The following DAB1 variants were observed in gnomAD, a reference collection of about 807,000 sequenced individuals.
DAB1 encodes the protein DAB adaptor protein 1.
DAB1 carries 15 observed loss-of-function variants against 64.6 expected under a neutral mutation model. That is an observed-to-expected ratio of 0.23 (90% CI 0.16 to 0.36). The LOEUF (loss-of-function observed/expected upper bound fraction) is 0.36. Among genes scored for constraint, DAB1 ranks in the 10% least tolerant of loss-of-function variants. The pLI is 1.00. For synonymous variants in DAB1, 235 were observed against 251.9 expected, an observed-to-expected ratio of 0.93 and a Z score of 0.64; for missense variants, 596 against 706.7, an observed-to-expected ratio of 0.84 and a Z score of 1.78.
At chr1:57,326,623 G>T (rs576447595) in intron 1 of DAB1, among the ~76,000 whole-genome samples, 49 of 152,260 alleles carry the variant, frequency 3.2e-4, no homozygotes, top group Non-Finnish European at 5.9e-4. Flanking sequence ...ACAGCTGGAG[G>T]CTAAGAAGTC....
At chr1:57,295,781 G>A (rs1171223606) in intron 1 of DAB1, among the ~76,000 whole-genome samples, 1 of 152,074 alleles carries the variant, frequency 6.6e-6, no homozygotes, top group Non-Finnish European at 1.5e-5. Context: ...TCAGAATACA[G>A]CTTTTTGCAT....
intron 5 of DAB1, among the ~76,000 whole-genome samples, chr1:57,975,936 A>T (rs965097838): frequency 2.6e-5 from 4 of 152,214 alleles, no homozygotes; most frequent in Non-Finnish European, 5.9e-5. Flanking sequence ...TACTAAGGGC[A>T]GCCAGCAATA....
At chr1:57,017,501 T>G (rs568523381) in intron 11 of DAB1, among the ~76,000 whole-genome samples, 9 of 152,312 alleles carry the variant, frequency 5.9e-5, no homozygotes, top group African/African-American at 1.9e-4. Flanking sequence ...TTCATCTGAC[T>G]GATACAGGCT....
chr1:57,189,856 A>AC (rs1557900842), intron 2 of DAB1, among the ~76,000 whole-genome samples: 1 of 151,852 alleles, frequency 6.6e-6, no homozygotes, highest in African/African-American at 2.4e-5. Context: ...AAAAAAAAAA[A>AC]AAAACACAAC....
In DAB1 at chr1:57,353,759, C is replaced by A. The variant is rs116194361; in HGVS notation, c.-136-62593G>T. ...TTTGCTACAGCTCCCTGCTCCTCCC[C>A]CTTCCACACTGTGAATAACAGATGA... On this transcript the variant is annotated intron_variant, in intron 1 of 14. Coordinates refer to ENST00000371236, the MANE Select transcript of DAB1 (RefSeq NM_001365792.1). Among the ~76,000 whole-genome samples, 823 of 152,232 alleles carry A rather than the reference C, an allele frequency of 5.4e-3. 6 individuals carry two copies. The highest frequency in any genetic ancestry group is 7.7e-3 in the Non-Finnish European group (526 of 67,994).
chr1:57,404,660 A>C (rs1683494057), intron 1 of DAB1, among the ~76,000 whole-genome samples: 1 of 152,250 alleles, frequency 6.6e-6, no homozygotes, highest in Non-Finnish European at 1.5e-5. Flanking sequence ...AAATACTGAA[A>C]GAAAAATTCA....
intron 5 of DAB1, among the ~76,000 whole-genome samples, chr1:58,116,184 T>C (rs1051672936): frequency 6.6e-6 from 1 of 152,204 alleles, no homozygotes; most frequent in Non-Finnish European, 1.5e-5. Flanking sequence ...TTTCTCCTTC[T>C]TCCTTCCTGG....
upstream of DAB1, among the ~76,000 whole-genome samples, chr1:57,424,852 A>G (rs544398874): frequency 2.6e-5 from 4 of 152,162 alleles, no homozygotes; most frequent in Non-Finnish European, 5.9e-5. Context: ...CCCTGAGAGC[A>G]CGCAGACCAC....
chr1:57,941,644 G>A (rs1349040176), intron 5 of DAB1, among the ~76,000 whole-genome samples: 1 of 152,178 alleles, frequency 6.6e-6, no homozygotes, highest in Non-Finnish European at 1.5e-5. Context: ...AGACCATCCT[G>A]GCTAACATGG....
At chr1:58,259,701 G>A (rs1203313369) in intron 4 of DAB1, among the ~76,000 whole-genome samples, 1 of 152,192 alleles carries the variant, frequency 6.6e-6, no homozygotes, top group Non-Finnish European at 1.5e-5. Flanking sequence ...GAGGAAATTA[G>A]AGAGGGGATG....
chr1:58,289,485 C>T (rs116604882), intron 4 of DAB1, among the ~76,000 whole-genome samples: 1,764 of 152,264 alleles, frequency 0.012, 14 homozygotes, highest in Middle Eastern at 0.024. Flanking sequence ...AGTTCAATAA[C>T]ACATGATTTT....
intron 3 of DAB1, among the ~76,000 whole-genome samples, chr1:58,439,814 C>G (rs777162709): frequency 6.6e-6 from 1 of 152,166 alleles, no homozygotes; most frequent in Non-Finnish European, 1.5e-5. Flanking sequence ...TTCAAAAGAG[C>G]TGGGGGTGAT....
At chr1:57,668,372 C>T (rs1281230455) in intron 6 of DAB1, among the ~76,000 whole-genome samples, 1 of 152,028 alleles carries the variant, frequency 6.6e-6, no homozygotes, top group Non-Finnish European at 1.5e-5. Flanking sequence ...AAGCACCTGG[C>T]ATAACAAATG....
chr1:57,540,559 T>C (rs938664913), intron 7 of DAB1, among the ~76,000 whole-genome samples: 2 of 152,150 alleles, frequency 1.3e-5, no homozygotes, highest in Non-Finnish European at 2.9e-5. Context: ...TGTCCATCAA[T>C]GGATGAATGG....
chr1:57,281,129 A>G (rs1671851696), intron 2 of DAB1, among the ~76,000 whole-genome samples: 1 of 152,152 alleles, frequency 6.6e-6, no homozygotes, highest in Non-Finnish European at 1.5e-5. Context: ...ACTTTTCAAC[A>G]CTGTCCTTAG....
chr1:58,299,237 T>C (rs1293755628), intron 4 of DAB1, among the ~76,000 whole-genome samples: 1 of 152,180 alleles, frequency 6.6e-6, no homozygotes, highest in African/African-American at 2.4e-5. Context: ...TATCCAAAAT[T>C]ACCTGCCTAG....
intron 1 of DAB1, among the ~76,000 whole-genome samples, chr1:57,350,661 G>T (rs1379713890): frequency 6.6e-6 from 1 of 152,054 alleles, no homozygotes; most frequent in African/African-American, 2.4e-5. Context: ...AAGGGACAAA[G>T]AGCTTGAGAA....
At chr1:58,065,618 C>T (rs567351770) in intron 5 of DAB1, among the ~76,000 whole-genome samples, 51 of 152,214 alleles carry the variant, frequency 3.4e-4, no homozygotes, top group African/African-American at 1.1e-3. Flanking sequence ...CCCCTCCCAG[C>T]GGAGAGTGCG....
At chr1:57,377,585 T>C (rs926565398) in intron 1 of DAB1, among the ~76,000 whole-genome samples, 9 of 152,162 alleles carry the variant, frequency 5.9e-5, no homozygotes, top group Admixed American at 1.3e-4. Context: ...CAAACAGAAC[T>C]ACAAATTAGG....
Sources: allele counts gnomAD v4.1 joint callset (sites outside exome capture counted in the v4.1 genomes callset), GRCh38; gene constraint gnomAD v4.1.1; transcripts MANE v1.5; gene names NCBI Gene and HGNC (gene_info 2026-07-23, HGNC 2026-07-21).